Variants in PDK1 observed in about 807,000 individuals in gnomAD.
PDK1 encodes pyruvate dehydrogenase kinase 1, also known as [Pyruvate dehydrogenase (acetyl-transferring)] kinase isozyme 1, mitochondrial.
Under a neutral mutation model 54.2 loss-of-function variants are expected in PDK1, and 39 were observed. The ratio of observed to expected loss-of-function variants is 0.72; its 90% CI spans 0.56 to 0.94. PDK1 has a LOEUF of 0.94. Ranked by LOEUF, PDK1 falls within the 40% of genes least tolerant of loss-of-function variation. PDK1 has a pLI of 0.00. For synonymous variants in PDK1, 221 were observed against 207.1 expected (o/e 1.07, Z -0.58); for missense variants, 552 against 566.0 (o/e 0.98, Z 0.25).
intron 8 of PDK1, among the ~76,000 whole-genome samples, chr2:172,582,737 T>C (rs1689982074): frequency 6.6e-6 from 1 of 152,204 alleles, no homozygotes; most frequent in Admixed American, 6.5e-5. Context: ...CTATTACTGC[T>C]CTTTTGGAAA....
the PDK1 span, among the ~76,000 whole-genome samples, chr2:172,645,900 G>A: frequency 6.6e-6 from 1 of 152,220 alleles, no homozygotes; most frequent in African/African-American, 2.4e-5. Context: ...CTGGTCAGAT[G>A]TCACACCAAA....
chr2:172,707,395 C>T, the PDK1 span, among the ~76,000 whole-genome samples: 4 of 152,188 alleles, frequency 2.6e-5, no homozygotes, highest in Admixed American at 6.5e-5. Context: ...GGATGTTTGA[C>T]TAGGCTAGAG....
At chr2:172,644,550 G>T in the PDK1 span, among the ~76,000 whole-genome samples, 2 of 152,222 alleles carry the variant, frequency 1.3e-5, no homozygotes, top group Non-Finnish European at 2.9e-5. Flanking sequence ...CAATAAATGA[G>T]AGTTGTGATT....
At chr2:172,591,966 T>C (rs1690612948) in intron 9 of PDK1, among the ~76,000 whole-genome samples, 1 of 152,232 alleles carries the variant, frequency 6.6e-6, no homozygotes, top group Admixed American at 6.5e-5. Flanking sequence ...TCCTTATTAC[T>C]TACTGAGTAC....
the PDK1 span, among the ~76,000 whole-genome samples, chr2:172,626,013 G>C: frequency 6.6e-6 from 1 of 152,116 alleles, no homozygotes; most frequent in Non-Finnish European, 1.5e-5. Flanking sequence ...ACATTTCCTA[G>C]AAATCTTTCA....
chr2:172,592,805 T>C (rs1389674626), intron 9 of PDK1, 130 bp from the exon 10 acceptor site: 2 of 459,514 alleles, frequency 4.4e-6, no homozygotes, highest in East Asian at 3.7e-5. Flanking sequence ...ATATTAATTA[T>C]ATTAAATATA....
At chr2:172,649,856 G>A in the PDK1 span, among the ~76,000 whole-genome samples, 1 of 152,280 alleles carries the variant, frequency 6.6e-6, no homozygotes, top group Admixed American at 6.5e-5. Context: ...CCAAATTTAC[G>A]TCCGATTGGT....
At position 172,556,126 on chromosome 2, in the gene PDK1, T is replaced by G. The variant is rs1688303162; in HGVS notation, c.-25T>G. On this transcript the variant is annotated 5_prime_UTR_variant, in exon 1 of 11. Coordinates refer to ENST00000282077, the MANE Select transcript of PDK1 (RefSeq NM_002610.5). ...GCGCGGGGAAACCTGGCGTACTGGC[T>G]GTGGCTTCTCTAGCGGGACTCGGCA... The G allele has an allele frequency of 7.2e-7, 1 of 1,383,140 alleles. No individual in the cohort carries two copies. Among genetic ancestry groups the G allele is most frequent in the African/African-American group, 1.5e-5 (1 of 65,574 alleles). 85.7% of individuals were successfully genotyped at this position (1,383,140 alleles called of 1,614,324 possible).
At chr2:172,632,692 A>G in the PDK1 span, among the ~76,000 whole-genome samples, 2 of 151,978 alleles carry the variant, frequency 1.3e-5, no homozygotes, top group Non-Finnish European at 2.9e-5. Context: ...TAGAACATAG[A>G]TGGTTTTGGC....
chr2:172,671,058 T>TA, the PDK1 span, among the ~76,000 whole-genome samples: 1 of 151,610 alleles, frequency 6.6e-6, no homozygotes, highest in Non-Finnish European at 1.5e-5. Context: ...GGAAGGATGA[T>TA]AAAAAATCTA....
the PDK1 span, among the ~76,000 whole-genome samples, chr2:172,697,844 A>ATTT: frequency 1.3e-5 from 2 of 152,188 alleles, no homozygotes; most frequent in Non-Finnish European, 2.9e-5. Flanking sequence ...ACATTACCAC[A>ATTT]GCTATAGTTT....
At chr2:172,715,749 T>A in the PDK1 span, among the ~76,000 whole-genome samples, 4 of 152,192 alleles carry the variant, frequency 2.6e-5, no homozygotes, top group African/African-American at 9.7e-5. Context: ...ACATGTGAAC[T>A]GCCTCCCAAG....
At chr2:172,657,840 A>T in the PDK1 span, among the ~76,000 whole-genome samples, 1 of 152,202 alleles carries the variant, frequency 6.6e-6, no homozygotes, top group South Asian at 2.1e-4. Context: ...AAGCTGGGTA[A>T]TTTATAAGGA....
intron 6 of PDK1, among the ~76,000 whole-genome samples, chr2:172,567,449 TGATGA>T (rs1356594067): frequency 6.6e-6 from 1 of 152,224 alleles, no homozygotes; most frequent in Non-Finnish European, 1.5e-5. Flanking sequence ...GAAGAGGGAT[TGATGA>T]GTCTCTTTTT....
chr2:172,676,439 T>A, the PDK1 span, among the ~76,000 whole-genome samples: 1 of 152,106 alleles, frequency 6.6e-6, no homozygotes, highest in African/African-American at 2.4e-5. Flanking sequence ...GGGTGTTGAG[T>A]CCAACCTTCA....
At chr2:172,609,978 C>G (rs1691412462), downstream of PDK1, among the ~76,000 whole-genome samples, 1 of 152,066 alleles carries the variant, frequency 6.6e-6, no homozygotes, top group African/African-American at 2.4e-5. Flanking sequence ...CCTGCCACCA[C>G]ACCTGGCTAA....
the PDK1 span, among the ~76,000 whole-genome samples, chr2:172,637,328 C>T: frequency 7.2e-5 from 11 of 152,316 alleles, no homozygotes; most frequent in South Asian, 1.0e-3. Context: ...ACATGCTCCC[C>T]GCTAAACATC....
In PDK1 at chr2:172,601,940, G is replaced by A. The variant is rs1691130669; in HGVS notation, c.*5971G>A. On this transcript the variant is annotated 3_prime_UTR_variant, in exon 11 of 11. Coordinates refer to ENST00000282077, the MANE Select transcript of PDK1 (RefSeq NM_002610.5). Reference sequence around the variant, plus strand: ...AAAATTTTGTAAGTGGAGAAGAAATGGATATATTTCTAGGAAAACAGTAGA... The same window carrying A: ...AAAATTTTGTAAGTGGAGAAGAAATAGATATATTTCTAGGAAAACAGTAGA... The A allele has an allele frequency of 6.6e-6, 1 of 152,036 alleles. No individual in the cohort carries two copies. The highest frequency in any genetic ancestry group is 6.6e-5 in the Admixed American group (1 of 15,258). 9.4% of individuals were successfully genotyped at this position (152,036 alleles called of 1,614,324 possible).
chr2:172,696,703 G>A, the PDK1 span, among the ~76,000 whole-genome samples: 1 of 152,114 alleles, frequency 6.6e-6, no homozygotes, highest in Non-Finnish European at 1.5e-5. Flanking sequence ...TCTATGGAAA[G>A]AGTAAATTTA....
Sources: gnomAD v4.1 joint callset for allele counts (sites outside exome capture counted in the v4.1 genomes callset) on GRCh38, gnomAD v4.1.1 for gene constraint, MANE v1.5 for transcripts, NCBI Gene and HGNC (gene_info 2026-07-23, HGNC 2026-07-21) for gene names.